The following RTCA variants were observed in gnomAD, a reference collection of about 807,000 sequenced individuals.
RTCA encodes RNA terminal phosphate cyclase domain 1.
Under a neutral mutation model 46.1 loss-of-function variants are expected in RTCA, and 37 were observed. That is an observed-to-expected ratio of 0.80 (90% CI 0.62 to 1.06). The LOEUF is 1.06. RTCA is among the 50% of genes least tolerant of loss of function. The pLI, the probability that RTCA is intolerant of heterozygous loss-of-function variation, is 0.00. For missense variants in RTCA, 435 were observed against 455.5 expected (o/e 0.95, Z 0.41); for synonymous variants, 164 against 158.3 (o/e 1.04, Z -0.27).
chr1:100,287,124 A>G lies in RTCA; in HGVS notation c.920A>G (p.Asn307Ser), dbSNP rs183792054. The G allele has an allele frequency of 5.3e-5, 84 of 1,579,660 alleles. 1 individual carries two copies. The Middle Eastern group carries it at 1.2e-3, about 22-fold the overall frequency. ...DQLIVFMALA[N>S]GVSRIKTGPV... ...CTGATTGTTTTCATGGCATTAGCCA[A>G]TGGAGTTTCCAGAATAAAAACAGGA... Residue 307 changes from asparagine (N) to serine (S), a missense_variant, in exon 10 of 11, where the codon AAT becomes AGT. Coordinates refer to ENST00000370128, the MANE Select transcript of RTCA (RefSeq NM_003729.4).
chr1:100,283,711 AC>A (rs1172013887), intron 8 of RTCA, among the ~76,000 whole-genome samples: 1 of 152,040 alleles, frequency 6.6e-6, no homozygotes, highest in Non-Finnish European at 1.5e-5. Context: ...CATGTTTCAA[AC>A]CATTTCATTC....
chr1:100,277,459 C>A (rs1666458674), intron 8 of RTCA, 143 bp downstream of exon 8: 1 of 772,836 alleles, frequency 1.3e-6, no homozygotes, highest in Non-Finnish European at 2.0e-6. Flanking sequence ...ATTACACTTT[C>A]AGACTTTCAG....
At chr1:100,279,551 T>C (rs1173666396) in intron 8 of RTCA, among the ~76,000 whole-genome samples, 2 of 152,092 alleles carry the variant, frequency 1.3e-5, no homozygotes, top group Admixed American at 1.3e-4. Context: ...TGAAGCAGGA[T>C]GATTGCTTGA....
At chr1:100,277,732 C>T (rs1020512215) in intron 8 of RTCA, among the ~76,000 whole-genome samples, 6 of 152,004 alleles carry the variant, frequency 3.9e-5, no homozygotes, top group African/African-American at 1.2e-4. Context: ...TATTCTGACA[C>T]ACCAGATAGC....
intron 8 of RTCA, 95 bp from the exon 9 acceptor site, chr1:100,285,133 C>T: frequency 1.1e-6 from 1 of 880,722 alleles, no homozygotes; most frequent in Non-Finnish European, 1.9e-6. Flanking sequence ...AATTGTATAC[C>T]AGTGCTAATT....
chr1:100,277,115 C>G, intron 7 of RTCA, 143 bp from the exon 8 acceptor site: 1 of 704,824 alleles, frequency 1.4e-6, no homozygotes, highest in Admixed American at 2.2e-5. Flanking sequence ...AATCATACCA[C>G]TCTATATGAA....
At chr1:100,277,051 TCTC>T (rs1236182432) in intron 7 of RTCA, among the ~76,000 whole-genome samples, 1 of 152,212 alleles carries the variant, frequency 6.6e-6, no homozygotes, top group Non-Finnish European at 1.5e-5. Flanking sequence ...TGGTGTGACT[TCTC>T]CTGGTCAAGT....
Position 100,286,346 on chromosome 1 carries a change from C to T in RTCA, c.895-753C>T, listed in dbSNP as rs571479620. ...GCGGGTGCCTGTAGTCGTAGCTACT[C>T]GGGAGGCTGAGGCAGGAGAAAGGCG... On this transcript the variant is annotated intron_variant, in intron 9 of 10. Transcript: ENST00000370128. Among the ~76,000 whole-genome samples the T allele has an allele frequency of 9.3e-3, 1,347 of 144,862 alleles. 8 individuals are homozygous for T. Among genetic ancestry groups the T allele is most frequent in the Non-Finnish European group, 0.015 (975 of 66,958 alleles).
At chr1:100,273,953 C>T (rs113092963) in intron 5 of RTCA, among the ~76,000 whole-genome samples, 1 of 152,044 alleles carries the variant, frequency 6.6e-6, no homozygotes. Flanking sequence ...CTAACTTCTT[C>T]GTCCCTCTCC....
intron 2 of RTCA, chr1:100,267,526 A>G: frequency 6.5e-7 from 1 of 1,545,590 alleles, no homozygotes; most frequent in Non-Finnish European, 8.8e-7. Context: ...TCCAAGATCA[A>G]GGTCCTGACA....
chr1:100,271,057 A>T (rs574738999), intron 4 of RTCA, among the ~76,000 whole-genome samples: 1 of 151,410 alleles, frequency 6.6e-6, no homozygotes, highest in Non-Finnish European at 1.5e-5. Flanking sequence ...AGCCTCCCAA[A>T]TGTGTCTATT....
rs1199974226 is a variant in RTCA at position 100,287,293 on chromosome 1, T to C, written c.999+90T>C. ...ATTTTAATAGGAAACTTAATAGTAA[T>C]CATAATTGCTATCACTGTTTCCTGT... On this transcript the variant is annotated intron_variant, in intron 10 of 10. Transcript: ENST00000370128. 3.6e-6 allele frequency: 3 copies of C among 823,526 alleles called. No homozygotes were observed. The Admixed American group carries it at 1.0e-4, about 28-fold the overall frequency. The allele number at this position is 823,526 out of a possible 1,614,324, so 51.0% of individuals were successfully genotyped here.
intron 7 of RTCA, among the ~76,000 whole-genome samples, chr1:100,276,529 T>C (rs1666390608): frequency 6.6e-6 from 1 of 151,954 alleles, no homozygotes; most frequent in Non-Finnish European, 1.5e-5. Flanking sequence ...ATACAAAAAT[T>C]AGCTGGGCGT....
chr1:100,283,926 A>G (rs1274738281), intron 8 of RTCA, among the ~76,000 whole-genome samples: 1 of 36,598 alleles, frequency 2.7e-5, no homozygotes, highest in African/African-American at 5.9e-5. Flanking sequence ...AGTCGCTAAA[A>G]AAAAAAAAGA....
intron 3 of RTCA, among the ~76,000 whole-genome samples, chr1:100,268,944 T>C (rs1400913140): frequency 6.6e-6 from 1 of 151,882 alleles, no homozygotes; most frequent in Non-Finnish European, 1.5e-5. Flanking sequence ...GTCCCAGCAC[T>C]TTGGGAGGCC....
chr1:100,284,246 C>G (rs2100810646), intron 8 of RTCA, among the ~76,000 whole-genome samples: 1 of 151,996 alleles, frequency 6.6e-6, no homozygotes, highest in Admixed American at 6.5e-5. Flanking sequence ...GGGAATAGGG[C>G]AAGAGGGTAA....
chr1:100,266,667 A>T, intron 2 of RTCA, 43 bp downstream of exon 2: 2 of 1,497,868 alleles, frequency 1.3e-6, no homozygotes, highest in Non-Finnish European at 1.8e-6. Flanking sequence ...AAGCTGGGGG[A>T]TCGGGGGGTC....
At chr1:100,285,096 G>A in intron 8 of RTCA, 132 bp from the exon 9 acceptor site, 1 of 633,706 alleles carries the variant, frequency 1.6e-6, no homozygotes, top group Non-Finnish European at 2.9e-6. Flanking sequence ...TCTAAAAGGT[G>A]CATTGAGTGG....
chr1:100,285,188 GT>G, intron 8 of RTCA, 39 bp from the exon 9 acceptor site: 1 of 1,500,122 alleles, frequency 6.7e-7, no homozygotes, highest in Non-Finnish European at 9.3e-7. Flanking sequence ...GTTTTGTTTT[GT>G]TTTGTTTTGT....
Sources: gnomAD v4.1 joint callset for allele counts (sites outside exome capture counted in the v4.1 genomes callset) on GRCh38, gnomAD v4.1.1 for gene constraint, MANE v1.5 for transcripts, NCBI Gene and HGNC (gene_info 2026-07-23, HGNC 2026-07-21) for gene names.